CNTNAP5: variants seen among roughly 807,000 people sequenced by gnomAD.
CNTNAP5 encodes contactin-associated protein-like 5.
In CNTNAP5, 72 loss-of-function variants were observed where a neutral mutation model predicts 150.2. The ratio of observed to expected loss-of-function variants is 0.48; its 90% CI spans 0.40 to 0.58. The LOEUF (loss-of-function observed/expected upper bound fraction) is 0.58, where lower values mean the gene tolerates loss of function less well. CNTNAP5 is among the 20% of genes least tolerant of loss of function. The pLI is 0.00. For missense variants in CNTNAP5, 1,636 were observed against 1,626.2 expected (o/e 1.01, Z -0.10); for synonymous variants, 672 against 619.8 (o/e 1.08, Z -1.25).
chr2:124,067,202 C>T (rs73952580), intron 1 of CNTNAP5, among the ~76,000 whole-genome samples: 2,114 of 152,280 alleles, frequency 0.014, 54 homozygotes, highest in African/African-American at 0.049. Context: ...GTGGCTTCAG[C>T]ATAACAAACT....
intron 8 of CNTNAP5, among the ~76,000 whole-genome samples, chr2:124,516,558 A>T (rs1694722899): frequency 6.6e-6 from 1 of 152,212 alleles, no homozygotes; most frequent in South Asian, 2.1e-4. Context: ...CAGGTGAATA[A>T]AGCCATCAAG....
intron 19 of CNTNAP5, among the ~76,000 whole-genome samples, chr2:124,799,365 A>G (rs1002209411): frequency 6.6e-6 from 1 of 152,222 alleles, no homozygotes; most frequent in African/African-American, 2.4e-5. Flanking sequence ...AAGGATGACT[A>G]TTCTTGATAT....
chr2:124,464,806 G>A (rs1254934601), intron 6 of CNTNAP5, among the ~76,000 whole-genome samples: 1 of 152,158 alleles, frequency 6.6e-6, no homozygotes, highest in Non-Finnish European at 1.5e-5. Context: ...TGATGATGGT[G>A]TGTTTCTCCT....
In CNTNAP5 at chr2:124,025,309, G is replaced by T; in HGVS notation, c.-342G>T. 1 of 279,816 alleles carries T rather than the reference G, an allele frequency of 3.6e-6. No individual in the cohort carries two copies. Among genetic ancestry groups the T allele is most frequent in the Non-Finnish European group, 7.0e-6 (1 of 141,850 alleles). 17.3% of individuals were successfully genotyped at this position (279,816 alleles called of 1,614,324 possible). A position where few individuals can be genotyped will look rare whatever the true frequency, so the allele number is the denominator to read the frequency against. ...GCTGATTCCAGCTCTCGCGCCCGAC[G>T]AGGTGGATTTGGCTGTCCACCGAGC... On this transcript the variant is annotated 5_prime_UTR_variant, in exon 1 of 24. Transcript: ENST00000682447.
intron 21 of CNTNAP5, among the ~76,000 whole-genome samples, chr2:124,889,334 G>T (rs575069606): frequency 6.6e-6 from 1 of 151,848 alleles, no homozygotes; most frequent in East Asian, 2.0e-4. Context: ...CAAGTTATCC[G>T]CCCGCCTTGG....
In CNTNAP5 at chr2:124,092,638, A is replaced by G. The variant is rs6760852; in HGVS notation, c.82+66906A>G. On this transcript the variant is annotated intron_variant, in intron 1 of 23. Coordinates refer to ENST00000682447, the MANE Select transcript of CNTNAP5 (RefSeq NM_001367498.1). ...ACATTTTTCTCTTTGCCGTAGTTCA[A>G]TTTCTCAGACACTTGCCAATTGTAG... 1.1e-3 allele frequency among the ~76,000 whole-genome samples: 160 copies of G among 152,282 alleles called. 1 individual carries two copies. The highest frequency in any genetic ancestry group is 3.5e-3 in the African/African-American group (147 of 41,560).
At chr2:124,857,445 G>C (rs17012091) in intron 19 of CNTNAP5, among the ~76,000 whole-genome samples, 324 of 152,142 alleles carry the variant, frequency 2.1e-3, no homozygotes, top group African/African-American at 7.4e-3. Context: ...GGCTAAACCA[G>C]TGCAGAGACT....
intron 2 of CNTNAP5, among the ~76,000 whole-genome samples, chr2:124,227,575 C>T (rs1055015046): frequency 4.0e-5 from 6 of 151,464 alleles, no homozygotes; most frequent in Non-Finnish European, 8.8e-5. Flanking sequence ...AAGTTAAAAA[C>T]ATAGCTCTCA....
rs888733521 is a variant in CNTNAP5, at chr2:124,273,138, T to G, written c.381+30745T>G. Among the ~76,000 whole-genome samples, 7 of 152,226 alleles carry G rather than the reference T, an allele frequency of 4.6e-5. 1 individual carries two copies. The highest frequency in any genetic ancestry group is 6.4e-3 in the Middle Eastern group (2 of 314). On this transcript the variant is annotated intron_variant, in intron 3 of 23. Coordinates refer to ENST00000682447, the MANE Select transcript of CNTNAP5 (RefSeq NM_001367498.1). Reference sequence around the variant, plus strand: ...AAAGTGTGCAACATACCCAGTATAATGCCTGTCACATATTAAATGCTCAAT... The same window carrying G: ...AAAGTGTGCAACATACCCAGTATAAGGCCTGTCACATATTAAATGCTCAAT...
intron 12 of CNTNAP5, among the ~76,000 whole-genome samples, chr2:124,639,879 G>A (rs763969928): frequency 2.0e-4 from 30 of 151,844 alleles, no homozygotes; most frequent in Non-Finnish European, 4.3e-4. Context: ...CTTTTCCTTT[G>A]CCCCAAATGC....
At chr2:124,750,851 G>T (rs1182952418) in intron 14 of CNTNAP5, among the ~76,000 whole-genome samples, 1 of 152,022 alleles carries the variant, frequency 6.6e-6, no homozygotes, top group East Asian at 1.9e-4. Flanking sequence ...GGGCATGGTG[G>T]TGCGTGCCTG....
intron 3 of CNTNAP5, among the ~76,000 whole-genome samples, chr2:124,382,443 G>A (rs2584358): frequency 0.19 from 28,567 of 152,056 alleles, 3,506 homozygotes; most frequent in East Asian, 0.41. Flanking sequence ...TTTTCCTAGG[G>A]AAGCATCACT....
intron 3 of CNTNAP5, among the ~76,000 whole-genome samples, chr2:124,258,006 G>A (rs369411844): frequency 1.2e-4 from 19 of 152,238 alleles, no homozygotes; most frequent in East Asian, 5.8e-4. Context: ...TCTTTCGCCC[G>A]TCACTCATTA....
At chr2:124,787,393 A>G (rs975337209) in intron 17 of CNTNAP5, among the ~76,000 whole-genome samples, 3 of 152,220 alleles carry the variant, frequency 2.0e-5, no homozygotes, top group Non-Finnish European at 4.4e-5. Context: ...ACCAAAATTG[A>G]GACAGACAGG....
At chr2:124,824,802 C>T (rs1040240729) in intron 19 of CNTNAP5, among the ~76,000 whole-genome samples, 4 of 152,166 alleles carry the variant, frequency 2.6e-5, no homozygotes, top group Non-Finnish European at 4.4e-5. Context: ...AAACTAATTG[C>T]AGGACTAATT....
intron 12 of CNTNAP5, among the ~76,000 whole-genome samples, chr2:124,631,243 C>CA (rs572523769): frequency 1.1e-4 from 17 of 149,574 alleles, no homozygotes; most frequent in African/African-American, 2.9e-4. Context: ...CATATGGAAC[C>CA]AAAAAAAAAG....
chr2:124,420,897 A>G (rs1250559125), intron 4 of CNTNAP5, among the ~76,000 whole-genome samples: 1 of 152,338 alleles, frequency 6.6e-6, no homozygotes, highest in South Asian at 2.1e-4. Context: ...AACTCTGACT[A>G]ATACAGAATG....
At chr2:124,523,321 C>A (rs1160659954) in intron 8 of CNTNAP5, among the ~76,000 whole-genome samples, 2 of 152,164 alleles carry the variant, frequency 1.3e-5, no homozygotes, top group Admixed American at 1.3e-4. Flanking sequence ...TGTAACAGGG[C>A]ACAATAAATG....
intron 5 of CNTNAP5, among the ~76,000 whole-genome samples, 200 bp from the exon 6 acceptor site, chr2:124,446,553 G>T (rs1413071125): frequency 1.3e-5 from 2 of 152,232 alleles, no homozygotes; most frequent in Non-Finnish European, 2.9e-5. Flanking sequence ...CTGGAAGGAG[G>T]TATGCATATT....
Sources: allele counts gnomAD v4.1 joint callset (sites outside exome capture counted in the v4.1 genomes callset), GRCh38; gene constraint gnomAD v4.1.1; transcripts MANE v1.5; gene names NCBI Gene and HGNC (gene_info 2026-07-23, HGNC 2026-07-21).